Variants in DARS1 observed in about 807,000 individuals in gnomAD.
The protein encoded by DARS1 is aspartate--tRNA ligase, cytoplasmic.
A neutral mutation model predicts 68.8 loss-of-function variants in DARS1; 51 were observed. That is an observed-to-expected ratio of 0.74 (90% CI 0.59 to 0.94). DARS1 has a LOEUF of 0.94. Ranked by LOEUF, DARS1 falls within the 40% of genes least tolerant of loss-of-function variation. The probability of loss-of-function intolerance (pLI) is 0.00; values close to 1 mark genes in which losing one functional copy is unlikely to be tolerated. For missense variants in DARS1, 607 were observed against 597.3 expected (o/e 1.02, Z -0.17); for synonymous variants, 203 against 190.4 (o/e 1.07, Z -0.55).
chr2:135,958,858 A>C (rs1299081547), intron 4 of DARS1, among the ~76,000 whole-genome samples: 2 of 152,122 alleles, frequency 1.3e-5, no homozygotes, highest in Non-Finnish European at 2.9e-5. Context: ...ATTCACTTAC[A>C]TATAACCAGT....
rs1681496829 is a variant in DARS1, at chr2:135,937,522, ATTAG to A, written c.424-3536_424-3533del. On this transcript the variant is annotated intron_variant, in intron 5 of 15. Coordinates refer to ENST00000264161, the MANE Select transcript of DARS1 (RefSeq NM_001349.4). The stretch of plus-strand genomic sequence containing the variant: ...AAAAGTAATTATTATAAGACTAAGA[ATTAG>A]TTAATTAATCATTCTTTAAAAGTAC... Among the ~76,000 whole-genome samples the A allele has an allele frequency of 7.9e-5, 12 of 152,314 alleles. No individual in the cohort carries two copies. In the South Asian group the frequency reaches 2.3e-3, roughly 29 times the overall value.
chr2:135,972,096 A>G lies in DARS1; in HGVS notation c.217+7178T>C, dbSNP rs148060634. On this transcript the variant is annotated intron_variant, in intron 3 of 15. Transcript: ENST00000264161. ...AAAAAAAAATCCTAAAATTTACATG[A>G]AATCACAAAAGACCTAGAATAGCCA... is the stretch of plus-strand genomic sequence containing the variant. 8.6e-3 allele frequency among the ~76,000 whole-genome samples: 1,315 copies of G among 152,300 alleles called. 16 individuals are homozygous for G. The highest frequency in any genetic ancestry group is 0.028 in the African/African-American group (1,161 of 41,588).
chr2:135,981,746 G>A lies in DARS1; in HGVS notation c.124+1651C>T, dbSNP rs147137729. ...TCCAGTGGTGTGATCGTGGCTCACC[G>A]CAGCCTTGACCTCACAGGCTCAAGT... On this transcript the variant is annotated intron_variant, in intron 2 of 15. Transcript: ENST00000264161. 1.8e-4 allele frequency among the ~76,000 whole-genome samples: 27 copies of A among 150,158 alleles called. No homozygotes were observed. The South Asian group carries it at 2.6e-3, about 14-fold the overall frequency.
chr2:135,966,189 A>G (rs1051601941), intron 3 of DARS1, among the ~76,000 whole-genome samples: 1 of 151,508 alleles, frequency 6.6e-6, no homozygotes, highest in African/African-American at 2.4e-5. Flanking sequence ...TTTTTCTGCA[A>G]GAACACACAA....
At chr2:135,913,433 T>A (rs546681045) in intron 12 of DARS1, among the ~76,000 whole-genome samples, 5 of 152,078 alleles carry the variant, frequency 3.3e-5, no homozygotes, top group Non-Finnish European at 5.9e-5. Flanking sequence ...ATGCTTACTA[T>A]GTGACCTAGA....
chr2:135,936,382 T>TAC (rs1424704095), intron 5 of DARS1, among the ~76,000 whole-genome samples: 1 of 151,190 alleles, frequency 6.6e-6, no homozygotes, highest in Non-Finnish European at 1.5e-5. Context: ...AATATATATA[T>TAC]ACACACACAT....
chr2:135,933,911 T>G lies in DARS1; in HGVS notation c.503A>C (p.Glu168Ala), dbSNP rs1282067033. 1 of 1,612,346 alleles carries G rather than the reference T, an allele frequency of 6.2e-7. No individual in the cohort carries two copies. Among genetic ancestry groups the G allele is most frequent in the African/African-American group, 1.3e-5 (1 of 75,016 alleles). ...ATATTTCATAAGTATAATTTTTACC[T>G]CTTCTCCTTCTGCCTCAGGCCGAAC... ...DAVRPEAEGE[E>A]EGRATVNQDT... Residue 168 changes from glutamate (E) to alanine (A), a missense_variant and splice_region_variant, in exon 6 of 16, where the codon GAG (glutamate) becomes GCG (alanine). Transcript: ENST00000264161.
rs779028673 is a variant in DARS1, at chr2:135,979,303, C to T, written c.188G>A (p.Arg63His). The stretch of plus-strand genomic sequence containing the variant: ...AGCTCTGCTTGTATGAACTCTTGCA[C>T]GTACCCAAACAACTTCATCAGCTTT... ...IQKADEVVWV[R>H]ARVHTSRAKG... The change falls in exon 3 of 16, where the codon CGT (arginine) becomes CAT (histidine). Residue 63 changes from arginine (R) to histidine (H), a missense_variant. Coordinates refer to ENST00000264161, the MANE Select transcript of DARS1 (RefSeq NM_001349.4). 5 of 1,495,564 alleles carry T rather than the reference C, an allele frequency of 3.3e-6. No individual in the cohort carries two copies. The African/African-American group carries it at 4.1e-5, about 12-fold the overall frequency. The allele number at this position is 1,495,564 out of a possible 1,614,324, so 92.6% of individuals were successfully genotyped here. A position where few individuals can be genotyped will look rare whatever the true frequency, so the allele number is the denominator to read the frequency against.
chr2:135,926,856 T>G (rs112205423), intron 7 of DARS1, among the ~76,000 whole-genome samples: 10 of 152,156 alleles, frequency 6.6e-5, no homozygotes, highest in African/African-American at 2.4e-4. Flanking sequence ...AGGCCCAGGT[T>G]AGTCAGTTAA....
At chr2:135,915,800 T>C (rs1680992248) in intron 11 of DARS1, among the ~76,000 whole-genome samples, 1 of 152,044 alleles carries the variant, frequency 6.6e-6, no homozygotes, top group African/African-American at 2.4e-5. Context: ...ATACCACTAA[T>C]CTGGAAAGAG....
chr2:135,914,484 A>G lies in DARS1; in HGVS notation c.1134T>C (p.His378=). The G allele has an allele frequency of 6.9e-7, 1 of 1,447,894 alleles. No homozygotes were observed. The highest frequency in any genetic ancestry group is 9.7e-7 in the Non-Finnish European group (1 of 1,028,432). 89.7% of individuals were successfully genotyped at this position (1,447,894 alleles called of 1,614,324 possible). Residue 378 remains histidine, a synonymous_variant, in exon 12 of 16, where the codon CAT becomes CAC. Coordinates refer to ENST00000264161, the MANE Select transcript of DARS1 (RefSeq NM_001349.4). ...AGAGTCCTACCTTTTCCTTTACCAA[A>G]TGACCCAACAGCTTTTCATTTGGTG... ...LSTPNEKLLG[H]LVKEKYDTDF...
At position 135,955,673 on chromosome 2, in the gene DARS1, C is replaced by CTTTTT. The variant is rs75123258; in HGVS notation, c.320+5718_320+5722dup. ...ACCACCACCTTTTGAAAATAAAAAT[C>CTTTTT]TTTTTTTTTTTTTTTTTTTTTTTTT... On this transcript the variant is annotated intron_variant, in intron 4 of 15. Coordinates refer to ENST00000264161, the MANE Select transcript of DARS1 (RefSeq NM_001349.4). 6.3e-3 allele frequency among the ~76,000 whole-genome samples: 386 copies of CTTTTT among 61,330 alleles called. 53 individuals are homozygous for CTTTTT. The highest frequency in any genetic ancestry group is 0.037 in the East Asian group (42 of 1,150). The allele number at this position is 61,330 out of a possible 152,430, so 40.2% of individuals were successfully genotyped here. A position where few individuals can be genotyped will look rare whatever the true frequency, so the allele number is the denominator to read the frequency against.
In DARS1 at chr2:135,923,150, T is replaced by C. The variant is rs545251568; in HGVS notation, c.677-232A>G. ...TGCTTTTATTTCACTTCTGTGGATA[T>C]ATATGCTCCCTTTCTGCATCAATTT... On this transcript the variant is annotated intron_variant, in intron 8 of 15. Coordinates refer to ENST00000264161, the MANE Select transcript of DARS1 (RefSeq NM_001349.4). Among the ~76,000 whole-genome samples, 4 of 152,340 alleles carry C rather than the reference T, an allele frequency of 2.6e-5. No homozygotes were observed. In the East Asian group the frequency reaches 7.7e-4, roughly 29 times the overall value.
chr2:135,953,926 ATT>A (rs1014748803), intron 4 of DARS1, among the ~76,000 whole-genome samples: 1 of 146,066 alleles, frequency 6.8e-6, no homozygotes, highest in Non-Finnish European at 1.5e-5. Context: ...TATTTATTTA[ATT>A]TTTTTTTTTG....
chr2:135,923,563 C>T (rs1575386756), intron 8 of DARS1, among the ~76,000 whole-genome samples: 1 of 152,132 alleles, frequency 6.6e-6, no homozygotes, highest in Admixed American at 6.6e-5. Flanking sequence ...CCTGGGATTA[C>T]AGGCATGAGC....
chr2:135,916,381 A>T lies in DARS1; in HGVS notation c.960-9T>A. The T allele has an allele frequency of 6.8e-7, 1 of 1,461,620 alleles. No homozygotes were observed. The highest frequency in any genetic ancestry group is 9.6e-7 in the Non-Finnish European group (1 of 1,042,892). 90.5% of individuals were successfully genotyped at this position (1,461,620 alleles called of 1,614,324 possible). A position where few individuals can be genotyped will look rare whatever the true frequency, so the allele number is the denominator to read the frequency against. ...GAATTTCAGTCTGAAACCTATTTGC[A>T]GAATGATTTAGTTAATAAAATGTAT... On this transcript the variant is annotated splice_polypyrimidine_tract_variant and intron_variant, in intron 10 of 15. Transcript: ENST00000264161.
intron 4 of DARS1, among the ~76,000 whole-genome samples, chr2:135,954,347 A>G (rs2104827956): frequency 7.1e-6 from 1 of 141,802 alleles, no homozygotes; most frequent in Non-Finnish European, 1.5e-5. Flanking sequence ...AAAAAAAAAG[A>G]GAGAGAGAAC....
chr2:135,981,655 T>C (rs1305885028), intron 2 of DARS1, among the ~76,000 whole-genome samples: 1 of 151,880 alleles, frequency 6.6e-6, no homozygotes, highest in African/African-American at 2.4e-5. Context: ...GTTTTGGAAA[T>C]GATTTTCAGA....
intron 13 of DARS1, among the ~76,000 whole-genome samples, chr2:135,912,201 T>A (rs541992764): frequency 1.3e-5 from 2 of 152,360 alleles, no homozygotes; most frequent in East Asian, 1.9e-4. Context: ...AGTATGCAAA[T>A]CTAGTAGTAC....
Sources: gnomAD v4.1 joint callset for allele counts (sites outside exome capture counted in the v4.1 genomes callset) on GRCh38, gnomAD v4.1.1 for gene constraint, MANE v1.5 for transcripts, NCBI Gene and HGNC (gene_info 2026-07-23, HGNC 2026-07-21) for gene names.